NTM: variants seen among roughly 807,000 people sequenced by gnomAD.
The protein encoded by NTM is neurotrimin.
Under a neutral mutation model 42.1 loss-of-function variants are expected in NTM, and 13 were observed. The ratio of observed to expected loss-of-function variants is 0.31; its 90% confidence interval spans 0.20 to 0.49. The LOEUF (loss-of-function observed/expected upper bound fraction) is 0.49. NTM is among the 20% of genes least tolerant of loss of function. The pLI, the probability that NTM is intolerant of heterozygous loss-of-function variation, is 0.99. For synonymous variants in NTM, 187 were observed against 179.2 expected (o/e 1.04, Z -0.35); for missense variants, 373 against 452.8 (o/e 0.82, Z 1.60).
chr11:131,763,831 T>C (rs1472809692), intron 1 of NTM, among the ~76,000 whole-genome samples: 1 of 151,656 alleles, frequency 6.6e-6, no homozygotes, highest in Non-Finnish European at 1.5e-5. Flanking sequence ...TATTTAATTA[T>C]GTAACCATTA....
chr11:131,681,951 A>G lies in NTM; in HGVS notation c.83-229613A>G, dbSNP rs116195198. Among the ~76,000 whole-genome samples, 1,424 of 151,872 alleles carry G rather than the reference A, an allele frequency of 9.4e-3. 28 individuals are homozygous for G. The highest frequency in any genetic ancestry group is 0.032 in the African/African-American group (1,331 of 41,352). On this transcript the variant is annotated intron_variant, in intron 1 of 8. Coordinates refer to ENST00000683400, the MANE Select transcript of NTM (RefSeq NM_001352005.2). Reference sequence around the variant, plus strand: ...GTGTTCTCACCCTCACCCTGTGGCTAGAGAACCCGGCTAAGTGAAAAGCAA... The same window carrying G: ...GTGTTCTCACCCTCACCCTGTGGCTGGAGAACCCGGCTAAGTGAAAAGCAA...
intron 5 of NTM, among the ~76,000 whole-genome samples, chr11:132,309,598 A>G (rs1280143438): frequency 1.3e-5 from 2 of 152,222 alleles, no homozygotes; most frequent in African/African-American, 4.8e-5. Flanking sequence ...CTCTGTACAG[A>G]GGAGAACAAA....
At chr11:131,483,432 C>T (rs755626220) in intron 1 of NTM, among the ~76,000 whole-genome samples, 30 of 152,188 alleles carry the variant, frequency 2.0e-4, no homozygotes, top group African/African-American at 6.8e-4. Context: ...TGCCATAGAG[C>T]GACTTACTCC....
At chr11:131,517,961 G>A (rs934985561) in intron 1 of NTM, among the ~76,000 whole-genome samples, 5 of 152,312 alleles carry the variant, frequency 3.3e-5, no homozygotes, top group East Asian at 1.9e-4. Flanking sequence ...TGCACAGAAG[G>A]TGACATTCTG....
At chr11:132,107,151 C>T (rs1290041520) in intron 2 of NTM, among the ~76,000 whole-genome samples, 3 of 151,930 alleles carry the variant, frequency 2.0e-5, no homozygotes, top group Non-Finnish European at 2.9e-5. Context: ...TTACCCCTGG[C>T]CAAAAGAAAG....
intron 1 of NTM, among the ~76,000 whole-genome samples, chr11:131,890,435 T>A (rs2051144998): frequency 1.3e-5 from 2 of 152,206 alleles, no homozygotes. Flanking sequence ...GCCTGCTGAG[T>A]GCAGGGGGAG....
In NTM at chr11:132,135,884, G is replaced by A. The variant is rs986351079; in HGVS notation, c.168-10398G>A. ...AGGGAGGGCTCTGGAATGACAACAG[G>A]CCCCAGCAAAGGTAGTGTCCTCCCA... On this transcript the variant is annotated intron_variant, in intron 2 of 8. Coordinates refer to ENST00000683400, the MANE Select transcript of NTM (RefSeq NM_001352005.2). Among the ~76,000 whole-genome samples the A allele has an allele frequency of 5.3e-5, 8 of 152,294 alleles. No homozygotes were observed. The South Asian group carries it at 1.0e-3, about 20-fold the overall frequency.
chr11:131,912,875 A>G (rs1450248076), intron 2 of NTM, among the ~76,000 whole-genome samples: 1 of 152,222 alleles, frequency 6.6e-6, no homozygotes, highest in Non-Finnish European at 1.5e-5. Flanking sequence ...AATGGTGAAG[A>G]GGAGGCAATG....
At chr11:131,789,815 G>T (rs908135875) in intron 1 of NTM, among the ~76,000 whole-genome samples, 12 of 150,922 alleles carry the variant, frequency 8.0e-5, no homozygotes, top group African/African-American at 2.7e-4. Flanking sequence ...AATTAGCCGG[G>T]TGTGGTGGCG....
chr11:132,130,921 C>G (rs2066703937), intron 2 of NTM, among the ~76,000 whole-genome samples: 1 of 152,204 alleles, frequency 6.6e-6, no homozygotes, highest in Non-Finnish European at 1.5e-5. Flanking sequence ...CCCACGATCA[C>G]ACATTTCATA....
intron 2 of NTM, among the ~76,000 whole-genome samples, chr11:132,101,556 T>TGTGTGTGTGTGTGTG (rs1555261897): frequency 4.9e-3 from 636 of 131,122 alleles, no homozygotes; most frequent in South Asian, 8.9e-3. Flanking sequence ...GAACACAACC[T>TGTGTGTGTGTGTGTG]TGTGTGTGTG....
intron 4 of NTM, among the ~76,000 whole-genome samples, chr11:132,294,290 C>T (rs1157664615): frequency 6.6e-6 from 1 of 152,074 alleles, no homozygotes; most frequent in Non-Finnish European, 1.5e-5. Context: ...CTCCCCTCGC[C>T]TTCCCCTCCC....
chr11:132,282,351 T>C (rs1005995202), intron 4 of NTM, among the ~76,000 whole-genome samples: 4 of 152,232 alleles, frequency 2.6e-5, no homozygotes, highest in Non-Finnish European at 5.9e-5. Flanking sequence ...AGGGAATAGC[T>C]TGTGTCTGGA....
At chr11:132,228,611 C>T (rs1396918582) in intron 4 of NTM, among the ~76,000 whole-genome samples, 1 of 152,188 alleles carries the variant, frequency 6.6e-6, no homozygotes, top group East Asian at 1.9e-4. Context: ...ACCTTCTCCC[C>T]AGAACTCATG....
intron 1 of NTM, among the ~76,000 whole-genome samples, chr11:131,482,407 A>G (rs1271396824): frequency 2.0e-5 from 3 of 152,116 alleles, no homozygotes; most frequent in Admixed American, 6.5e-5. Flanking sequence ...CATGGGCAAA[A>G]ATTGTTTCAG....
chr11:131,671,669 A>T (rs534154841), intron 1 of NTM: 2 of 918,088 alleles, frequency 2.2e-6, no homozygotes, highest in East Asian at 2.4e-4. Context: ...GCGGTATAGG[A>T]AGCAGACGCC....
intron 4 of NTM, among the ~76,000 whole-genome samples, chr11:132,279,629 C>T (rs1013281486): frequency 3.3e-5 from 5 of 152,196 alleles, no homozygotes; most frequent in Admixed American, 2.6e-4. Context: ...TGCCTGGAAT[C>T]CTTTCCGCCA....
chr11:131,963,055 A>G (rs1444477725), intron 2 of NTM, among the ~76,000 whole-genome samples: 1 of 152,168 alleles, frequency 6.6e-6, no homozygotes, highest in Admixed American at 6.5e-5. Context: ...AGAAAGCTAC[A>G]TCTTTGTCAG....
chr11:131,743,051 CA>C (rs1427623056), intron 1 of NTM, among the ~76,000 whole-genome samples: 6 of 152,156 alleles, frequency 3.9e-5, no homozygotes, highest in African/African-American at 1.4e-4. Flanking sequence ...TCAATTATTG[CA>C]AGAAAGGAGT....
Sources: allele counts gnomAD v4.1 joint callset (sites outside exome capture counted in the v4.1 genomes callset), GRCh38; gene constraint gnomAD v4.1.1; transcripts MANE v1.5; gene names NCBI Gene and HGNC (gene_info 2026-07-23, HGNC 2026-07-21).